Variants in KANK1 observed in about 807,000 individuals in gnomAD.
The protein encoded by KANK1 is KN motif and ankyrin repeat domain-containing protein 1.
In KANK1, 109 loss-of-function variants were observed where a neutral mutation model predicts 106.2. That is an observed-to-expected ratio of 1.03 (90% CI 0.88 to 1.20). KANK1 has a LOEUF of 1.20. Among genes scored for constraint, KANK1 ranks in the 50% most tolerant of loss-of-function variants. The pLI, the probability that KANK1 is intolerant of heterozygous loss-of-function variation, is 0.00. For missense variants in KANK1, 2,399 were observed against 1,710.7 expected (o/e 1.40, Z -7.10); for synonymous variants, 873 against 652.2 (o/e 1.34, Z -5.16).
At chr9:631,883 C>A (rs558613543) in intron 1 of KANK1, among the ~76,000 whole-genome samples, 54 of 152,330 alleles carry the variant, frequency 3.5e-4, no homozygotes, top group African/African-American at 1.3e-3. Flanking sequence ...GATAACCCTT[C>A]TTCACATACC....
At chr9:536,096 A>T (rs2060284676) in intron 1 of KANK1, among the ~76,000 whole-genome samples, 1 of 152,062 alleles carries the variant, frequency 6.6e-6, no homozygotes, top group Admixed American at 6.6e-5. Context: ...CCAGCACTTC[A>T]GGAGGCTGAG....
In KANK1 at chr9:628,986, A is replaced by G. The variant is rs570907968; in HGVS notation, c.-83-47904A>G. On this transcript the variant is annotated intron_variant, in intron 1 of 11. Transcript: ENST00000382297. ...TCCCAGCTACTCAGGAGGCTGAGGC[A>G]GGAGAATCACTTGAACCCAGGAGGT... Among the ~76,000 whole-genome samples, 80 of 151,418 alleles carry G rather than the reference A, an allele frequency of 5.3e-4. 1 individual carries two copies. The highest frequency in any genetic ancestry group is 1.9e-3 in the African/African-American group (79 of 41,000).
chr9:563,149 G>C (rs1389095589), intron 1 of KANK1, among the ~76,000 whole-genome samples: 1 of 151,308 alleles, frequency 6.6e-6, no homozygotes, highest in Non-Finnish European at 1.5e-5. Flanking sequence ...GCTCTATTGT[G>C]TAAAATCACT....
chr9:609,555 A>G (rs1238003671), intron 1 of KANK1, among the ~76,000 whole-genome samples: 1 of 152,110 alleles, frequency 6.6e-6, no homozygotes, highest in East Asian at 1.9e-4. Context: ...TTTGAACCCC[A>G]GGAGGTGGAG....
chr9:478,643 T>C (rs969006130), intron 3 of KANK1, among the ~76,000 whole-genome samples: 1 of 152,164 alleles, frequency 6.6e-6, no homozygotes, highest in African/African-American at 2.4e-5. Context: ...CACCCCAATA[T>C]ACCAAGAAAC....
chr9:480,349 G>A (rs1045579981), intron 3 of KANK1, among the ~76,000 whole-genome samples: 6 of 152,230 alleles, frequency 3.9e-5, no homozygotes, highest in African/African-American at 1.4e-4. Flanking sequence ...GAGTACAAAA[G>A]GCTAGGTGGA....
intron 3 of KANK1, among the ~76,000 whole-genome samples, chr9:485,051 G>A (rs368596991): frequency 7.2e-5 from 11 of 152,204 alleles, no homozygotes; most frequent in African/African-American, 2.7e-4. Flanking sequence ...GACCAACTTT[G>A]GTTCTTGGGC....
At chr9:566,076 C>T (rs1387822670) in intron 1 of KANK1, among the ~76,000 whole-genome samples, 1 of 152,200 alleles carries the variant, frequency 6.6e-6, no homozygotes, top group African/African-American at 2.4e-5. Flanking sequence ...CCCATGTGTT[C>T]TCATCATTTA....
upstream of KANK1, among the ~76,000 whole-genome samples, chr9:499,784 A>G (rs987657485): frequency 2.6e-5 from 4 of 152,346 alleles, no homozygotes; most frequent in Middle Eastern, 3.4e-3. Flanking sequence ...TTTGTTTAAT[A>G]TAAGTTTTGT....
chr9:546,094 GAC>G (rs2060914618), intron 1 of KANK1, among the ~76,000 whole-genome samples: 1 of 152,102 alleles, frequency 6.6e-6, no homozygotes, highest in Non-Finnish European at 1.5e-5. Flanking sequence ...TTTCTGGATG[GAC>G]ACAGTCCCTG....
chr9:740,559 T>C (rs932754304), intron 8 of KANK1, among the ~76,000 whole-genome samples: 8 of 152,222 alleles, frequency 5.3e-5, no homozygotes, highest in Non-Finnish European at 1.0e-4. Flanking sequence ...AGATACGCTG[T>C]GGAAGCTTAC....
intron 1 of KANK1, among the ~76,000 whole-genome samples, chr9:518,524 A>ACT (rs1437577759): frequency 6.6e-6 from 1 of 151,494 alleles, no homozygotes; most frequent in Non-Finnish European, 1.5e-5. Flanking sequence ...TAGAATCGAA[A>ACT]CTCTACTATT....
intron 2 of KANK1, among the ~76,000 whole-genome samples, chr9:689,009 T>A (rs1338382167): frequency 6.6e-6 from 1 of 152,224 alleles, no homozygotes; most frequent in African/African-American, 2.4e-5. Flanking sequence ...TTATTATCCC[T>A]TATTTACAGC....
intron 1 of KANK1, among the ~76,000 whole-genome samples, chr9:659,604 G>A (rs1295840305): frequency 6.6e-6 from 1 of 152,200 alleles, no homozygotes; most frequent in Non-Finnish European, 1.5e-5. Context: ...TCCACAGGCT[G>A]TAAAGAAGCA....
chr9:743,958 TGAAGCTTTTTTCACCCATATG>T (rs1836442643), intron 10 of KANK1, among the ~76,000 whole-genome samples: 1 of 152,192 alleles, frequency 6.6e-6, no homozygotes, highest in Non-Finnish European at 1.5e-5. Flanking sequence ...AGCAGTTAAG[TGAAGCTTTTTTCACCCATATG>T]TAGTGTTTCC....
Position 713,052 on chromosome 9 carries a change from G to A in KANK1, c.2286G>A (p.Gly762=). 6.2e-7 allele frequency: 1 copy of A among 1,614,216 alleles called. No individual in the cohort carries two copies. Among genetic ancestry groups the A allele is most frequent in the Non-Finnish European group, 8.5e-7 (1 of 1,180,038 alleles). The stretch of plus-strand genomic sequence containing the variant: ...TGAAGACCAAAGAGTCAGGTGTGGG[G>A]CAGATAAATATTAACGACAACTATC... ...SAVKTKESGV[G]QININDNYLV... Residue 762 remains glycine (G), a synonymous_variant, in exon 3 of 12, where the codon GGG becomes GGA. Transcript: ENST00000382297.
Position 625,467 on chromosome 9 carries a change from A to G in KANK1, c.-83-51423A>G, listed in dbSNP as rs536856983. 4.3e-4 allele frequency among the ~76,000 whole-genome samples: 65 copies of G among 152,264 alleles called. No homozygotes were observed. In the South Asian group the frequency reaches 7.0e-3, roughly 16 times the overall value. On this transcript the variant is annotated intron_variant, in intron 1 of 11. Coordinates refer to ENST00000382297, the MANE Select transcript of KANK1 (RefSeq NM_015158.5). ...AAATCTTGGGCCTCCAAGATTGCCT[A>G]TATTTTTGTTTTTCTTTTCTCTTAA...
At chr9:639,336 T>C (rs765451259) in intron 1 of KANK1, among the ~76,000 whole-genome samples, 2 of 152,028 alleles carry the variant, frequency 1.3e-5, no homozygotes, top group Non-Finnish European at 2.9e-5. Flanking sequence ...TTTATTATTA[T>C]TATTTTTGAG....
At position 712,669 on chromosome 9, in the gene KANK1, G is replaced by T; in HGVS notation, c.1903G>T (p.Val635Phe). ...GTCTATCGGTTGTGGAGATTGTTCT[G>T]TTGACGTGACCGTCTGCTCTCCAAA... ...VRSIGCGDCS[V>F]DVTVCSPKEC... is the part of the protein sequence containing the mutation. The change falls in exon 3 of 12, where the codon GTT becomes TTT. Residue 635 changes from valine (V) to phenylalanine (F), a missense_variant. Val to Phe is a conservative substitution (Grantham distance 50). Coordinates refer to ENST00000382297, the MANE Select transcript of KANK1 (RefSeq NM_015158.5). 4 of 1,614,148 alleles carry T rather than the reference G, an allele frequency of 2.5e-6. No homozygotes were observed. The highest frequency in any genetic ancestry group is 3.4e-6 in the Non-Finnish European group (4 of 1,180,030).
Sources: allele counts gnomAD v4.1 joint callset (sites outside exome capture counted in the v4.1 genomes callset), GRCh38; gene constraint gnomAD v4.1.1; transcripts MANE v1.5; gene names NCBI Gene and HGNC (gene_info 2026-07-23, HGNC 2026-07-21).